OPCML: variants seen among roughly 807,000 people sequenced by gnomAD.
OPCML encodes the protein opioid binding protein/cell adhesion molecule like.
A neutral mutation model predicts 37.8 loss-of-function variants in OPCML; 13 were observed. The ratio of observed to expected loss-of-function variants is 0.34; its 90% CI spans 0.22 to 0.55. OPCML has a LOEUF of 0.55. Among genes scored for constraint, OPCML ranks in the 20% least tolerant of loss-of-function variants. The probability of loss-of-function intolerance (pLI) is 0.91; values close to 1 mark genes in which losing one functional copy is unlikely to be tolerated. For synonymous variants in OPCML, 176 were observed against 168.8 expected, an observed-to-expected ratio of 1.04 and a Z score of -0.33; for missense variants, 341 against 435.6, an observed-to-expected ratio of 0.78 and a Z score of 1.93.
At chr11:132,485,501 C>A (rs1327174764) in intron 4 of OPCML, among the ~76,000 whole-genome samples, 1 of 152,198 alleles carries the variant, frequency 6.6e-6, no homozygotes, top group East Asian at 1.9e-4. Context: ...TGTTTCCTTT[C>A]TCCCACAGAA....
intron 1 of OPCML, among the ~76,000 whole-genome samples, chr11:132,953,078 A>G (rs1313753434): frequency 2.0e-5 from 3 of 152,220 alleles, no homozygotes; most frequent in Non-Finnish European, 4.4e-5. Context: ...TCTAAGGAGT[A>G]TAACATCAGC....
At position 132,416,027 on chromosome 11, in the gene OPCML, G is replaced by A. The variant is rs561092363; in HGVS notation, c.*4166C>T. 8 of 152,698 alleles carry A rather than the reference G, an allele frequency of 5.2e-5. No individual in the cohort carries two copies. In the South Asian group the frequency reaches 1.7e-3, roughly 32 times the overall value. The allele number at this position is 152,698 out of a possible 1,614,324, so 9.5% of individuals were successfully genotyped here. ...AAAGACAGGGAAGCTCTGAATAATA[G>A]GAGGGGAGGCAATTGGGTATAAGAG... On this transcript the variant is annotated 3_prime_UTR_variant, in exon 8 of 8. Coordinates refer to ENST00000524381, the MANE Select transcript of OPCML (RefSeq NM_001012393.5).
At chr11:133,410,479 T>C (rs1449564353) in intron 1 of OPCML, among the ~76,000 whole-genome samples, 3 of 151,868 alleles carry the variant, frequency 2.0e-5, no homozygotes, top group Non-Finnish European at 2.9e-5. Flanking sequence ...GCTGAGTCTT[T>C]TTCTCTAGGT....
intron 2 of OPCML, among the ~76,000 whole-genome samples, chr11:132,908,124 G>T (rs1944306109): frequency 6.6e-6 from 1 of 152,198 alleles, no homozygotes; most frequent in Non-Finnish European, 1.5e-5. Flanking sequence ...ACAAAACACA[G>T]GAGCACAAGC....
At chr11:132,716,024 A>G (rs1944462228) in intron 2 of OPCML, among the ~76,000 whole-genome samples, 1 of 152,246 alleles carries the variant, frequency 6.6e-6, no homozygotes, top group Admixed American at 6.5e-5. Flanking sequence ...TCAGAAATCT[A>G]TCAGCTAGAG....
chr11:132,451,867 G>A (rs2096069139), intron 4 of OPCML, among the ~76,000 whole-genome samples: 1 of 152,196 alleles, frequency 6.6e-6, no homozygotes, highest in Non-Finnish European at 1.5e-5. Context: ...TATCAACGCA[G>A]TAACTTTCTA....
chr11:133,333,387 G>C (rs1358202466), intron 1 of OPCML, among the ~76,000 whole-genome samples: 1 of 141,630 alleles, frequency 7.1e-6, no homozygotes, highest in Non-Finnish European at 1.5e-5. Flanking sequence ...ACAAGCAATG[G>C]GAAAAAAAAA....
chr11:133,393,621 G>A (rs562047923), intron 1 of OPCML, among the ~76,000 whole-genome samples: 13 of 152,290 alleles, frequency 8.5e-5, no homozygotes, highest in African/African-American at 3.1e-4. Flanking sequence ...CACCCAGTGG[G>A]TGAGAAGCTC....
intron 1 of OPCML, chr11:133,006,429 C>A (rs1947114449): frequency 1.0e-6 from 1 of 985,234 alleles, no homozygotes. Flanking sequence ...AAAAGTCCTG[C>A]AACAACTGGA....
intron 2 of OPCML, among the ~76,000 whole-genome samples, chr11:132,686,855 T>A (rs1943181221): frequency 6.6e-6 from 1 of 152,150 alleles, no homozygotes; most frequent in Non-Finnish European, 1.5e-5. Flanking sequence ...CCATTTTCAG[T>A]GTAAACACTC....
intron 1 of OPCML, among the ~76,000 whole-genome samples, chr11:133,193,791 C>T (rs558819368): frequency 6.6e-6 from 1 of 152,232 alleles, no homozygotes; most frequent in Non-Finnish European, 1.5e-5. Context: ...CGATCTGGCT[C>T]TTTAAATAGA....
At chr11:132,849,816 G>A (rs567716448) in intron 2 of OPCML, among the ~76,000 whole-genome samples, 5 of 152,282 alleles carry the variant, frequency 3.3e-5, no homozygotes, top group Non-Finnish European at 7.3e-5. Flanking sequence ...CATGTAAACC[G>A]GGGCAAATGA....
intron 1 of OPCML, among the ~76,000 whole-genome samples, chr11:133,522,344 G>A (rs1438865966): frequency 4.6e-5 from 7 of 152,194 alleles, no homozygotes; most frequent in Admixed American, 2.0e-4. Context: ...AAGTTGACAC[G>A]TATCTGGCAT....
At chr11:133,349,870 C>A (rs916851015) in intron 1 of OPCML, among the ~76,000 whole-genome samples, 1 of 152,206 alleles carries the variant, frequency 6.6e-6, no homozygotes, top group Non-Finnish European at 1.5e-5. Context: ...AGCAATTTTT[C>A]TACATGAAAT....
At chr11:132,521,940 C>G (rs2096294947) in intron 4 of OPCML, among the ~76,000 whole-genome samples, 1 of 152,172 alleles carries the variant, frequency 6.6e-6, no homozygotes, top group South Asian at 2.1e-4. Flanking sequence ...AATCAAGATA[C>G]AGTACAGCTC....
In OPCML at chr11:133,063,642, A is replaced by G. The variant is rs930646400; in HGVS notation, c.62-120632T>C. 4.0e-5 allele frequency among the ~76,000 whole-genome samples: 6 copies of G among 149,836 alleles called. No homozygotes were observed. In the South Asian group the frequency reaches 1.3e-3, roughly 32 times the overall value. ...AATGGCTTGATCTTGGCTCACTACA[A>G]CCTCCGCCTCCCAGATTCAGGCCAT... On this transcript the variant is annotated intron_variant, in intron 1 of 7. Coordinates refer to ENST00000524381, the MANE Select transcript of OPCML (RefSeq NM_001012393.5).
At chr11:132,752,261 T>G (rs1166491083) in intron 2 of OPCML, among the ~76,000 whole-genome samples, 1 of 133,272 alleles carries the variant, frequency 7.5e-6, no homozygotes, top group Non-Finnish European at 1.6e-5. Context: ...TTAAAATAAA[T>G]AAAAAAAAAA....
At chr11:132,659,276 C>T (rs1377987796) in intron 2 of OPCML, among the ~76,000 whole-genome samples, 1 of 152,142 alleles carries the variant, frequency 6.6e-6, no homozygotes, top group East Asian at 1.9e-4. Flanking sequence ...CTTTCAAAGG[C>T]TTTTCTTGGG....
chr11:133,499,876 T>TATATA (rs1389927636), intron 1 of OPCML, among the ~76,000 whole-genome samples: 27 of 65,374 alleles, frequency 4.1e-4, no homozygotes, highest in African/African-American at 1.7e-3. Flanking sequence ...ATATATATAT[T>TATATA]TTTTTTTTTT....
Sources: allele counts gnomAD v4.1 joint callset (sites outside exome capture counted in the v4.1 genomes callset), GRCh38; gene constraint gnomAD v4.1.1; transcripts MANE v1.5; gene names NCBI Gene and HGNC (gene_info 2026-07-23, HGNC 2026-07-21).